HRH4: variants seen among roughly 807,000 people sequenced by gnomAD.
HRH4 encodes histamine receptor H4.
HRH4 carries 12 observed loss-of-function variants against 10.4 expected under a neutral mutation model. The observed-to-expected ratio is 1.15, with a 90% CI of 0.74 to 1.87. HRH4 has a LOEUF of 1.87. Among genes scored for constraint, HRH4 ranks in the 40% most tolerant of loss-of-function variants. HRH4 has a pLI of 0.00. For synonymous variants in HRH4, 154 were observed against 166.6 expected (o/e 0.92, Z 0.58); for missense variants, 415 against 453.3 (o/e 0.92, Z 0.77).
Position 24,476,769 on chromosome 18 carries a change from C to G in HRH4, c.380C>G (p.Thr127Ser), listed in dbSNP as rs894564616. Residue 127 changes from threonine (T) to serine (S), a missense_variant, in exon 3 of 3, where the codon ACT (threonine) becomes AGT (serine). Thr to Ser is a moderately conservative substitution (Grantham distance 58, BLOSUM62 1). Coordinates refer to ENST00000256906, the MANE Select transcript of HRH4 (RefSeq NM_021624.4). ...SNAVSYRTQH[T>S]GVLKIVTLMV... Reference sequence around the variant, plus strand: ...TAGGTGTCTTATAGAACTCAACATACTGGGGTCTTGAAGATTGTTACTCTG... The same window carrying G: ...TAGGTGTCTTATAGAACTCAACATAGTGGGGTCTTGAAGATTGTTACTCTG... 2.5e-6 allele frequency: 4 copies of G among 1,613,820 alleles called. No homozygotes were observed. The African/African-American group carries it at 5.3e-5, about 22-fold the overall frequency.
At chr18:24,474,335 A>G (rs1037332885) in intron 2 of HRH4, among the ~76,000 whole-genome samples, 1 of 151,482 alleles carries the variant, frequency 6.6e-6, no homozygotes, top group Non-Finnish European at 1.5e-5. Flanking sequence ...CCTCAAAAAG[A>G]CCAGCAATTT....
rs181603520 is a variant in HRH4, at chr18:24,471,926, G to T, written c.357+2975G>T. 7.7e-4 allele frequency among the ~76,000 whole-genome samples: 118 copies of T among 152,292 alleles called. No individual in the cohort carries two copies. The East Asian group carries it at 0.021, about 27-fold the overall frequency. ...TCCCAGCTTTTGAATTTACTCTCAG[G>T]TTTGTGGGCAGAAAAGGGACAGCTT... On this transcript the variant is annotated intron_variant, in intron 2 of 2. Coordinates refer to ENST00000256906, the MANE Select transcript of HRH4 (RefSeq NM_021624.4).
At chr18:24,461,438 G>A (rs950981821) in intron 1 of HRH4, among the ~76,000 whole-genome samples, 1 of 152,056 alleles carries the variant, frequency 6.6e-6, no homozygotes, top group African/African-American at 2.4e-5. Flanking sequence ...AAACTGCCTT[G>A]CATATAATAT....
At chr18:24,473,220 A>G (rs1910028953) in intron 2 of HRH4, among the ~76,000 whole-genome samples, 1 of 152,218 alleles carries the variant, frequency 6.6e-6, no homozygotes, top group Admixed American at 6.5e-5. Context: ...CTTTACCTGC[A>G]GATGAAGAAA....
At chr18:24,465,274 C>A (rs1021009211) in intron 1 of HRH4, among the ~76,000 whole-genome samples, 1 of 151,882 alleles carries the variant, frequency 6.6e-6, no homozygotes, top group Non-Finnish European at 1.5e-5. Flanking sequence ...GGTGACAGAG[C>A]CAGACTGCGT....
intron 2 of HRH4, among the ~76,000 whole-genome samples, chr18:24,472,959 A>T (rs1599779152): frequency 6.6e-6 from 1 of 152,192 alleles, no homozygotes; most frequent in Non-Finnish European, 1.5e-5. Flanking sequence ...GTTCGAGACC[A>T]GCCTGGCCAA....
rs1309681962 is a variant in HRH4, at chr18:24,476,806, T to C, written c.417T>C (p.Val139=). The part of the protein sequence containing the change: ...VLKIVTLMVA[V]WVLAFLVNGP... ...AGATTGTTACTCTGATGGTGGCCGT[T>C]TGGGTGCTGGCCTTCTTAGTGAATG... The change falls in exon 3 of 3, where the codon GTT becomes GTC. Residue 139 remains valine (V), a synonymous_variant. Transcript: ENST00000256906. The C allele has an allele frequency of 6.2e-7, 1 of 1,614,192 alleles. No individual in the cohort carries two copies. The highest frequency in any genetic ancestry group is 1.7e-5 in the Admixed American group (1 of 60,030).
chr18:24,472,075 T>G (rs1354363067), intron 2 of HRH4, among the ~76,000 whole-genome samples: 1 of 152,184 alleles, frequency 6.6e-6, no homozygotes, highest in African/African-American at 2.4e-5. Context: ...AGACAGAGTC[T>G]GGCTCTGTCG....
chr18:24,464,373 T>G lies in HRH4; in HGVS notation c.193+3452T>G, dbSNP rs141563851. ...CTGTTGTCTCCTCTTATAAGCACAC[T>G]ATTGGATCAGGGCCCCACTCTTATG... is the stretch of plus-strand genomic sequence containing the variant. On this transcript the variant is annotated intron_variant, in intron 1 of 2. Coordinates refer to ENST00000256906, the MANE Select transcript of HRH4 (RefSeq NM_021624.4). Among the ~76,000 whole-genome samples the G allele has an allele frequency of 2.6e-5, 4 of 152,286 alleles. No individual in the cohort carries two copies. The East Asian group carries it at 7.7e-4, about 29-fold the overall frequency.
In HRH4 at chr18:24,477,256, A is replaced by G. The variant is rs147463040; in HGVS notation, c.867A>G (p.Gln289=). Residue 289 remains glutamine, a synonymous_variant, in exon 3 of 3, where the codon CAA becomes CAG. Transcript: ENST00000256906. ...AATCAGATTCTGTAGCTCTTCACCA[A>G]AGGGAACATGTTGAACTGCTTAGAG... ...FSQSDSVALH[Q]REHVELLRAR... is the part of the protein sequence containing the mutation. The G allele has an allele frequency of 3.8e-5, 61 of 1,614,188 alleles. No individual in the cohort carries two copies. The African/African-American group carries it at 7.3e-4, about 19-fold the overall frequency.
chr18:24,462,725 G>A (rs1485307169), intron 1 of HRH4, among the ~76,000 whole-genome samples: 1 of 152,150 alleles, frequency 6.6e-6, no homozygotes, highest in Non-Finnish European at 1.5e-5. Flanking sequence ...GACACATAAA[G>A]GCAGCTAACC....
At chr18:24,466,201 C>T (rs1390485548) in intron 1 of HRH4, among the ~76,000 whole-genome samples, 2 of 151,854 alleles carry the variant, frequency 1.3e-5, no homozygotes, top group African/African-American at 4.8e-5. Flanking sequence ...CAGCCTTGAC[C>T]TCCCTGGCTC....
At chr18:24,466,003 T>C (rs1427841192) in intron 1 of HRH4, among the ~76,000 whole-genome samples, 1 of 152,186 alleles carries the variant, frequency 6.6e-6, no homozygotes, top group East Asian at 1.9e-4. Flanking sequence ...AAAATACTCA[T>C]GTTGGGAACA....
At chr18:24,468,477 A>G (rs1489291868) in intron 1 of HRH4, among the ~76,000 whole-genome samples, 5 of 152,240 alleles carry the variant, frequency 3.3e-5, no homozygotes, top group Non-Finnish European at 7.3e-5. Context: ...AAGTCTATAC[A>G]TGTCCAGTAC....
At chr18:24,468,975 C>A in intron 2 of HRH4, 24 bp downstream of exon 2, 2 of 1,564,362 alleles carry the variant, frequency 1.3e-6, no homozygotes, top group Non-Finnish European at 1.7e-6. Flanking sequence ...TTAATTTATC[C>A]CCCTTAGAAG....
At chr18:24,469,747 A>C (rs1173744113) in intron 2 of HRH4, among the ~76,000 whole-genome samples, 3 of 152,054 alleles carry the variant, frequency 2.0e-5, no homozygotes, top group Non-Finnish European at 4.4e-5. Flanking sequence ...CAGAGTCTCC[A>C]TTTCATTTTT....
At chr18:24,476,526 T>C (rs974143401) in intron 2 of HRH4, among the ~76,000 whole-genome samples, 1 of 152,164 alleles carries the variant, frequency 6.6e-6, no homozygotes, top group Admixed American at 6.5e-5. Context: ...GGATTTAACC[T>C]TGAAGGTAAC....
intron 2 of HRH4, among the ~76,000 whole-genome samples, chr18:24,475,211 G>T (rs1910104350): frequency 6.6e-6 from 1 of 152,116 alleles, no homozygotes; most frequent in Non-Finnish European, 1.5e-5. Flanking sequence ...TGACCAAGGG[G>T]AGTTAGAATA....
rs1910159081 is a variant in HRH4 at position 24,477,041 on chromosome 18, G to T, written c.652G>T (p.Ala218Ser). The change falls in exon 3 of 3, where the codon GCT becomes TCT. Residue 218 changes from alanine to serine, a missense_variant. Physicochemically the swap from Ala to Ser is moderately conservative, Grantham distance 99 (BLOSUM62 1). Transcript: ENST00000256906. ...SRCQSHPGLTAVSSNICGHSF... is the reference protein window; with the variant it reads ...SRCQSHPGLTSVSSNICGHSF... ...GTGCCAAAGCCATCCTGGACTGACT[G>T]CTGTCTCTTCCAACATCTGTGGACA... is the stretch of plus-strand genomic sequence containing the variant. 5 of 1,614,192 alleles carry T rather than the reference G, an allele frequency of 3.1e-6. No individual in the cohort carries two copies. Among genetic ancestry groups the T allele is most frequent in the Non-Finnish European group, 4.2e-6 (5 of 1,180,034 alleles).
Sources: allele counts gnomAD v4.1 joint callset (sites outside exome capture counted in the v4.1 genomes callset), GRCh38; gene constraint gnomAD v4.1.1; transcripts MANE v1.5; gene names NCBI Gene and HGNC (gene_info 2026-07-23, HGNC 2026-07-21).